SH3GL2: variants seen among roughly 807,000 people sequenced by gnomAD.
SH3GL2 encodes SH3 domain containing GRB2 like 2, endophilin A1, also known as endophilin-A1.
A neutral mutation model predicts 46.0 loss-of-function variants in SH3GL2; 24 were observed. The observed-to-expected ratio is 0.52, with a 90% CI of 0.38 to 0.73. SH3GL2 has a LOEUF of 0.73. SH3GL2 is among the 30% of genes least tolerant of loss of function. The pLI, the probability that SH3GL2 is intolerant of heterozygous loss-of-function variation, is 0.00. For missense variants in SH3GL2, 413 were observed against 424.2 expected, an observed-to-expected ratio of 0.97 and a Z score of 0.23; for synonymous variants, 196 against 147.1, an observed-to-expected ratio of 1.33 and a Z score of -2.40.
intron 1 of SH3GL2, among the ~76,000 whole-genome samples, chr9:17,681,251 C>G (rs141450975): frequency 2.0e-5 from 3 of 152,242 alleles, no homozygotes; most frequent in African/African-American, 7.2e-5. Flanking sequence ...ACAACAATAA[C>G]AACAACAAAA....
rs762920242 is a variant in SH3GL2, at chr9:17,614,295, G to GGAAAAAAAAAAAAAAAAAAAAAAA, written c.45+35008_45+35009insGAAAAAAAAAAAAAAAAAAAAAAA. Among the ~76,000 whole-genome samples the GGAAAAAAAAAAAAAAAAAAAAAAA allele has an allele frequency of 5.3e-4, 37 of 70,300 alleles. 2 individuals are homozygous for GGAAAAAAAAAAAAAAAAAAAAAAA. Among genetic ancestry groups the GGAAAAAAAAAAAAAAAAAAAAAAA allele is most frequent in the African/African-American group, 2.1e-3 (37 of 17,370 alleles). The allele number at this position is 70,300 out of a possible 152,430, so 46.1% of individuals were successfully genotyped here. On this transcript the variant is annotated intron_variant, in intron 1 of 8. Coordinates refer to ENST00000380607, the MANE Select transcript of SH3GL2 (RefSeq NM_003026.5). ...GTGACAGGGAACATGCATGGTTTCT[G>GGAAAAAAAAAAAAAAAAAAAAAAA]AAAAAAAAAAAAAAAAAAAAAAAAA...
intron 1 of SH3GL2, among the ~76,000 whole-genome samples, chr9:17,584,224 G>A (rs562801377): frequency 3.3e-5 from 5 of 152,182 alleles, no homozygotes; most frequent in Admixed American, 2.0e-4. Context: ...AATAGGGTGG[G>A]GCGTGGTGGC....
In SH3GL2 at chr9:17,760,760, T is replaced by G. The variant is rs566821312; in HGVS notation, c.115-677T>G. Among the ~76,000 whole-genome samples the G allele has an allele frequency of 3.3e-5, 5 of 152,240 alleles. No homozygotes were observed. The South Asian group carries it at 1.0e-3, about 32-fold the overall frequency. ...AGATGCTGATAAGAAAAGGATTTCTTGGAGAAAGACAGAGAGCACTGCAGT... is the reference window on the plus strand; with the variant it reads ...AGATGCTGATAAGAAAAGGATTTCTGGGAGAAAGACAGAGAGCACTGCAGT... On this transcript the variant is annotated intron_variant, in intron 2 of 8. Coordinates refer to ENST00000380607, the MANE Select transcript of SH3GL2 (RefSeq NM_003026.5).
At chr9:17,611,040 A>G (rs763307039) in intron 1 of SH3GL2, among the ~76,000 whole-genome samples, 14 of 152,180 alleles carry the variant, frequency 9.2e-5, no homozygotes, top group African/African-American at 2.9e-4. Context: ...GGATTTTTCT[A>G]TATTTCTCTG....
At chr9:17,694,138 C>G (rs960350161) in intron 1 of SH3GL2, among the ~76,000 whole-genome samples, 1 of 152,010 alleles carries the variant, frequency 6.6e-6, no homozygotes, top group Non-Finnish European at 1.5e-5. Flanking sequence ...TTAGTCTGTT[C>G]TTATACTGCT....
At chr9:17,745,691 C>G (rs1485421250) in intron 1 of SH3GL2, among the ~76,000 whole-genome samples, 3 of 151,976 alleles carry the variant, frequency 2.0e-5, no homozygotes, top group South Asian at 2.1e-4. Context: ...AGCTCAGGTC[C>G]CCCAACAAGG....
chr9:17,744,578 G>GT (rs1364229732), intron 1 of SH3GL2, among the ~76,000 whole-genome samples: 1 of 152,002 alleles, frequency 6.6e-6, no homozygotes, highest in South Asian at 2.1e-4. Context: ...CGTTGCCCAG[G>GT]CTGGTCTCGG....
rs578012346 is a variant in SH3GL2 at position 17,765,865 on chromosome 9, G to T, written c.187+4356G>T. On this transcript the variant is annotated intron_variant, in intron 3 of 8. Transcript: ENST00000380607. The stretch of plus-strand genomic sequence containing the variant: ...ATCCCCAGCCCCCAGCTCAGTTCCA[G>T]GCAGCCAACAGGCACTGGGATATTG... Among the ~76,000 whole-genome samples, 60 of 152,278 alleles carry T rather than the reference G, an allele frequency of 3.9e-4. No individual in the cohort carries two copies. In the South Asian group the frequency reaches 0.012, roughly 30 times the overall value.
chr9:17,619,074 C>T (rs562007918), intron 1 of SH3GL2, among the ~76,000 whole-genome samples: 1 of 152,144 alleles, frequency 6.6e-6, no homozygotes, highest in Admixed American at 6.5e-5. Flanking sequence ...ATACAATTCT[C>T]AGCACTTTAT....
At chr9:17,735,704 A>C (rs980578039) in intron 1 of SH3GL2, 3 of 899,396 alleles carry the variant, frequency 3.3e-6, no homozygotes, top group African/African-American at 1.8e-5. Flanking sequence ...CTGAGGGACA[A>C]CTCTGTTGGC....
chr9:17,705,414 T>C (rs1395960884), intron 1 of SH3GL2, among the ~76,000 whole-genome samples: 1 of 152,070 alleles, frequency 6.6e-6, no homozygotes, highest in African/African-American at 2.4e-5. Context: ...GGAATATAAA[T>C]CATTCTACCA....
At chr9:17,608,272 C>T (rs1035577105) in intron 1 of SH3GL2, among the ~76,000 whole-genome samples, 8 of 151,238 alleles carry the variant, frequency 5.3e-5, no homozygotes, top group Non-Finnish European at 8.8e-5. Context: ...CTCAGCCTCC[C>T]GAGTATCTGG....
At chr9:17,763,706 A>G (rs1823242287) in intron 3 of SH3GL2, among the ~76,000 whole-genome samples, 1 of 152,176 alleles carries the variant, frequency 6.6e-6, no homozygotes, top group Admixed American at 6.5e-5. Context: ...AGCTCTAGAA[A>G]ACTAATCCAG....
At chr9:17,706,487 A>G (rs947644143) in intron 1 of SH3GL2, among the ~76,000 whole-genome samples, 1 of 152,068 alleles carries the variant, frequency 6.6e-6, no homozygotes, top group African/African-American at 2.4e-5. Flanking sequence ...TGCTCTTCCT[A>G]AAGAAATCCA....
chr9:17,592,269 A>G (rs1818498920), intron 1 of SH3GL2, among the ~76,000 whole-genome samples: 2 of 152,170 alleles, frequency 1.3e-5, no homozygotes, highest in Non-Finnish European at 2.9e-5. Flanking sequence ...AAGCGATTGG[A>G]TGTCTGCTGC....
At chr9:17,736,205 T>G (rs114133634) in intron 1 of SH3GL2, among the ~76,000 whole-genome samples, 2,081 of 152,284 alleles carry the variant, frequency 0.014, 48 homozygotes, top group African/African-American at 0.047. Context: ...TGTATGTATG[T>G]ATGGATATGT....
chr9:17,596,341 GA>G (rs1266295998), intron 1 of SH3GL2, among the ~76,000 whole-genome samples: 1 of 151,824 alleles, frequency 6.6e-6, no homozygotes, highest in East Asian at 1.9e-4. Flanking sequence ...TTTAAATGAA[GA>G]TTTTTTTTTT....
At chr9:17,634,987 A>G (rs1278837087) in intron 1 of SH3GL2, among the ~76,000 whole-genome samples, 3 of 152,132 alleles carry the variant, frequency 2.0e-5, no homozygotes, top group Non-Finnish European at 4.4e-5. Context: ...TTTGTTTTTA[A>G]TTTTAAAGTT....
At chr9:17,654,815 T>G (rs911188925) in intron 1 of SH3GL2, among the ~76,000 whole-genome samples, 3 of 152,218 alleles carry the variant, frequency 2.0e-5, no homozygotes, top group African/African-American at 7.2e-5. Flanking sequence ...AGGATCAAAA[T>G]GCATAGAGGA....
Sources: allele counts gnomAD v4.1 joint callset (sites outside exome capture counted in the v4.1 genomes callset), GRCh38; gene constraint gnomAD v4.1.1; transcripts MANE v1.5; gene names NCBI Gene and HGNC (gene_info 2026-07-23, HGNC 2026-07-21).